The following SCG3 variants were observed in gnomAD, a reference collection of about 807,000 sequenced individuals.
The protein encoded by SCG3 is secretogranin-3.
SCG3 carries 38 observed loss-of-function variants against 56.2 expected under a neutral mutation model. That is an observed-to-expected ratio of 0.68 (90% CI 0.52 to 0.89). SCG3 has a LOEUF of 0.89. SCG3 is among the 40% of genes least tolerant of loss of function. The probability of loss-of-function intolerance (pLI) is 0.00; values close to 1 mark genes in which losing one functional copy is unlikely to be tolerated. For missense variants in SCG3, 524 were observed against 540.7 expected (o/e 0.97, Z 0.31); for synonymous variants, 176 against 184.2 (o/e 0.96, Z 0.36).
Position 51,701,201 on chromosome 15 carries a change from AGAT to A in SCG3, c.1168_1170del (p.Asp390del). 6.2e-7 allele frequency: 1 copy of A among 1,612,360 alleles called. No individual in the cohort carries two copies. The highest frequency in any genetic ancestry group is 8.5e-7 in the Non-Finnish European group (1 of 1,179,342). On this transcript the variant is annotated inframe_deletion, in exon 10 of 12. Coordinates refer to ENST00000220478, the MANE Select transcript of SCG3 (RefSeq NM_013243.4). ...ATGGAAGCTTGAAGGATTCCACAAA[AGAT>A]GATAACTCCAACCCAGGAGGAAAGA... is the stretch of plus-strand genomic sequence containing the variant.
At chr15:51,685,844 CT>C (rs1344938307) in intron 4 of SCG3, among the ~76,000 whole-genome samples, 1 of 152,154 alleles carries the variant, frequency 6.6e-6, no homozygotes, top group Non-Finnish European at 1.5e-5. Context: ...TAAAGTAGTG[CT>C]TTGGGGCTCC....
chr15:51,703,747 A>G (rs2055352858), intron 10 of SCG3, among the ~76,000 whole-genome samples: 1 of 152,178 alleles, frequency 6.6e-6, no homozygotes, highest in Admixed American at 6.5e-5. Context: ...TATTTCAGCT[A>G]TTGGGACTTT....
chr15:51,699,474 T>A lies in SCG3; in HGVS notation c.1069+72T>A, dbSNP rs541076352. On this transcript the variant is annotated intron_variant, in intron 9 of 11. Coordinates refer to ENST00000220478, the MANE Select transcript of SCG3 (RefSeq NM_013243.4). The stretch of plus-strand genomic sequence containing the variant: ...TTGAGTGGTAAATAATGAACTTTAA[T>A]AAACATTAATTTAAAAATTACAGAT... 7 of 973,824 alleles carry A rather than the reference T, an allele frequency of 7.2e-6. No individual in the cohort carries two copies. In the African/African-American group the frequency reaches 1.2e-4, roughly 16 times the overall value. 60.3% of individuals were successfully genotyped at this position (973,824 alleles called of 1,614,324 possible).
At chr15:51,717,530 CA>C (rs903686046) in intron 11 of SCG3, among the ~76,000 whole-genome samples, 2 of 75,586 alleles carry the variant, frequency 2.6e-5, no homozygotes, top group African/African-American at 5.3e-5. Context: ...GAGACCCTGT[CA>C]AAAAAAAAGA....
intron 10 of SCG3, among the ~76,000 whole-genome samples, chr15:51,704,258 T>TATATAC (rs1567220878): frequency 7.5e-6 from 1 of 132,524 alleles, no homozygotes; most frequent in African/African-American, 3.1e-5. Context: ...TATATATATA[T>TATATAC]ATATATATAT....
chr15:51,695,038 A>AG (rs1162600371), intron 7 of SCG3, among the ~76,000 whole-genome samples: 1 of 152,046 alleles, frequency 6.6e-6, no homozygotes, highest in Non-Finnish European at 1.5e-5. Flanking sequence ...CTCAAAAAAA[A>AG]AAAAAAAGAA....
At chr15:51,718,441 C>T (rs1040867932) in intron 11 of SCG3, among the ~76,000 whole-genome samples, 5 of 152,134 alleles carry the variant, frequency 3.3e-5, no homozygotes, top group Non-Finnish European at 5.9e-5. Flanking sequence ...GGTTCGTTTT[C>T]CTTTCTCATA....
chr15:51,709,211 G>A (rs1240026604), intron 10 of SCG3, among the ~76,000 whole-genome samples: 1 of 152,114 alleles, frequency 6.6e-6, no homozygotes, highest in African/African-American at 2.4e-5. Flanking sequence ...AGCCCCTTAC[G>A]TAACCATCTG....
At chr15:51,701,274 T>C (rs1468431810) in intron 10 of SCG3, 30 bp downstream of exon 10, 2 of 1,537,746 alleles carry the variant, frequency 1.3e-6, no homozygotes, top group African/African-American at 2.8e-5. Flanking sequence ...AGGTTAGCAA[T>C]GAAATTGGGA....
intron 10 of SCG3, among the ~76,000 whole-genome samples, chr15:51,709,675 A>G (rs2055399924): frequency 3.1e-4 from 3 of 9,796 alleles, no homozygotes; most frequent in Admixed American, 1.2e-3. Context: ...ATATATATAT[A>G]TATATATATA....
chr15:51,701,093 CA>C lies in SCG3; in HGVS notation c.1070-12del. ...GAAACAGGGCTATGACAACAATGCT[CA>C]ATCTGATTACAGCACCATCAGAGAA... On this transcript the variant is annotated splice_polypyrimidine_tract_variant and intron_variant, in intron 9 of 11. Transcript: ENST00000220478. 1.2e-6 allele frequency: 2 copies of C among 1,613,106 alleles called. No homozygotes were observed. Among genetic ancestry groups the C allele is most frequent in the Non-Finnish European group, 1.7e-6 (2 of 1,179,768 alleles).
In SCG3 at chr15:51,683,089, CAGA is replaced by C. The variant is rs1181074821; in HGVS notation, c.153_155del (p.Glu51del). ...CTGTTTGCTTCACAGATTGCTGAAG[CAGA>C]AGAAGACAAGATTAAAAAAACATAT... On this transcript the variant is annotated inframe_deletion, in exon 3 of 12. Transcript: ENST00000220478. The C allele has an allele frequency of 6.8e-6, 11 of 1,609,198 alleles. No individual in the cohort carries two copies. Among genetic ancestry groups the C allele is most frequent in the Non-Finnish European group, 9.3e-6 (11 of 1,178,328 alleles).
intron 10 of SCG3, 74 bp downstream of exon 10, chr15:51,701,318 T>TCACCCTC: frequency 7.0e-7 from 1 of 1,437,226 alleles, no homozygotes; most frequent in Non-Finnish European, 9.4e-7. Context: ...GGGAGGGTGA[T>TCACCCTC]CCAAAGAGCA....
At chr15:51,710,739 C>A (rs1196351512) in intron 10 of SCG3, among the ~76,000 whole-genome samples, 1 of 146,838 alleles carries the variant, frequency 6.8e-6, no homozygotes, top group African/African-American at 2.5e-5. Context: ...ATGCACACCA[C>A]CATGCCTGGC....
chr15:51,712,723 G>T (rs1444243397), intron 10 of SCG3, among the ~76,000 whole-genome samples: 1 of 152,158 alleles, frequency 6.6e-6, no homozygotes, highest in Non-Finnish European at 1.5e-5. Context: ...GAGGCCCATC[G>T]AACAGTGTTT....
intron 1 of SCG3, 31 bp downstream of exon 1, chr15:51,681,868 C>A: frequency 6.4e-7 from 1 of 1,574,710 alleles, no homozygotes; most frequent in Non-Finnish European, 8.7e-7. Flanking sequence ...TTCCTACCTT[C>A]CTTTTATTTC....
At chr15:51,692,032 A>C in intron 6 of SCG3, 127 bp from the exon 7 acceptor site, 1 of 826,030 alleles carries the variant, frequency 1.2e-6, no homozygotes, top group Non-Finnish European at 1.9e-6. Flanking sequence ...TTGAACCTGC[A>C]GGAGCTTGCA....
chr15:51,685,423 T>C (rs1595827428), intron 4 of SCG3, among the ~76,000 whole-genome samples: 1 of 152,262 alleles, frequency 6.6e-6, no homozygotes, highest in East Asian at 1.9e-4. Context: ...ACTAATTTTT[T>C]AACTGTTCAA....
intron 10 of SCG3, among the ~76,000 whole-genome samples, chr15:51,705,770 A>G (rs1261335945): frequency 6.6e-6 from 1 of 152,110 alleles, no homozygotes; most frequent in Non-Finnish European, 1.5e-5. Context: ...GATCCACCCA[A>G]TCCATCCAGC....
Sources: allele counts gnomAD v4.1 joint callset (sites outside exome capture counted in the v4.1 genomes callset), GRCh38; gene constraint gnomAD v4.1.1; transcripts MANE v1.5; gene names NCBI Gene and HGNC (gene_info 2026-07-23, HGNC 2026-07-21).